Variants in KLHL1 observed in about 807,000 individuals in gnomAD.
KLHL1 encodes kelch-like protein 1.
A neutral mutation model predicts 77.7 loss-of-function variants in KLHL1; 47 were observed. That is an observed-to-expected ratio of 0.60 (90% CI 0.48 to 0.77). The LOEUF is 0.77. Among genes scored for constraint, KLHL1 ranks in the 30% least tolerant of loss-of-function variants. KLHL1 has a pLI of 0.00. For synonymous variants in KLHL1, 360 were observed against 325.2 expected, an observed-to-expected ratio of 1.11 and a Z score of -1.15; for missense variants, 925 against 910.8, an observed-to-expected ratio of 1.02 and a Z score of -0.20.
intron 4 of KLHL1, among the ~76,000 whole-genome samples, chr13:69,923,353 T>A (rs1407671732): frequency 6.6e-6 from 1 of 152,108 alleles, no homozygotes; most frequent in Non-Finnish European, 1.5e-5. Context: ...TATGCTGCAA[T>A]GGGGATTCAA....
chr13:69,935,161 A>G lies in KLHL1; in HGVS notation c.1014+4879T>C, dbSNP rs1399702677. On this transcript the variant is annotated intron_variant, in intron 4 of 10. Coordinates refer to ENST00000377844, the MANE Select transcript of KLHL1 (RefSeq NM_020866.3). ...CAATATCATTTCTATTTTGTTCACCATTGCATTTCCTGTGCCACCTACTGG... is the reference window on the plus strand; with the variant it reads ...CAATATCATTTCTATTTTGTTCACCGTTGCATTTCCTGTGCCACCTACTGG... 2.1e-5 allele frequency among the ~76,000 whole-genome samples: 3 copies of G among 146,018 alleles called. No individual in the cohort carries two copies. The East Asian group carries it at 6.1e-4, about 30-fold the overall frequency.
Position 69,720,977 on chromosome 13 carries a change from T to C in KLHL1, c.1803-1396A>G, listed in dbSNP as rs142931044. On this transcript the variant is annotated intron_variant, in intron 8 of 10. Coordinates refer to ENST00000377844, the MANE Select transcript of KLHL1 (RefSeq NM_020866.3). The stretch of plus-strand genomic sequence containing the variant: ...GAAAATAAATCCTGGGACTCCCAAA[T>C]CACTAAAGCCAAAGGGAAGTCAAGC... 9.2e-4 allele frequency among the ~76,000 whole-genome samples: 113 copies of C among 122,928 alleles called. No homozygotes were observed. The East Asian group carries it at 0.025, about 27-fold the overall frequency. The allele number at this position is 122,928 out of a possible 152,430, so 80.6% of individuals were successfully genotyped here. A position where few individuals can be genotyped will look rare whatever the true frequency, so the allele number is the denominator to read the frequency against.
intron 5 of KLHL1, among the ~76,000 whole-genome samples, chr13:69,876,291 T>C (rs1880760811): frequency 6.6e-6 from 1 of 152,224 alleles, no homozygotes; most frequent in Non-Finnish European, 1.5e-5. Flanking sequence ...GTTTTAGTTG[T>C]AGCTATAATT....
intron 4 of KLHL1, among the ~76,000 whole-genome samples, chr13:69,895,954 C>T (rs538097381): frequency 4.5e-4 from 68 of 152,228 alleles, no homozygotes; most frequent in African/African-American, 1.6e-3. Context: ...GTGATCCACT[C>T]ACCTCTGCCT....
intron 3 of KLHL1, among the ~76,000 whole-genome samples, chr13:69,950,982 G>C (rs1369358721): frequency 6.6e-6 from 1 of 151,438 alleles, no homozygotes; most frequent in Non-Finnish European, 1.5e-5. Context: ...AAAATATTTT[G>C]AATACTCAAA....
intron 1 of KLHL1, among the ~76,000 whole-genome samples, chr13:70,054,648 A>C (rs558843995): frequency 6.6e-6 from 1 of 152,170 alleles, no homozygotes; most frequent in East Asian, 1.9e-4. Context: ...ATTTTGATAA[A>C]GCCAAACAAA....
intron 5 of KLHL1, among the ~76,000 whole-genome samples, chr13:69,879,378 C>A (rs1297913589): frequency 2.0e-5 from 3 of 152,054 alleles, no homozygotes; most frequent in African/African-American, 7.2e-5. Context: ...CTATTTTTCT[C>A]TCATTCATCT....
At chr13:69,991,107 G>A (rs1438525999) in intron 1 of KLHL1, among the ~76,000 whole-genome samples, 1 of 151,916 alleles carries the variant, frequency 6.6e-6, no homozygotes, top group Non-Finnish European at 1.5e-5. Flanking sequence ...TGAAAGTAAT[G>A]AGAACAAAGG....
intron 7 of KLHL1, among the ~76,000 whole-genome samples, chr13:69,768,261 T>A (rs1321884561): frequency 6.6e-6 from 1 of 152,190 alleles, no homozygotes; most frequent in Non-Finnish European, 1.5e-5. Context: ...TAAAAGAATT[T>A]AGAGTATGGA....
chr13:69,775,702 T>TG (rs1177260553), intron 7 of KLHL1, among the ~76,000 whole-genome samples: 4 of 151,586 alleles, frequency 2.6e-5, no homozygotes, highest in Admixed American at 6.6e-5. Context: ...GGTTTTTTTT[T>TG]GTTTTTGATA....
intron 5 of KLHL1, among the ~76,000 whole-genome samples, chr13:69,843,435 A>C (rs1404370109): frequency 6.6e-6 from 1 of 151,728 alleles, no homozygotes; most frequent in Admixed American, 6.6e-5. Context: ...TGGCATATGA[A>C]TGCAGAGAAT....
chr13:69,707,835 C>G (rs910513058), intron 9 of KLHL1, 39 bp from the exon 10 acceptor site: 1 of 1,499,880 alleles, frequency 6.7e-7, no homozygotes, highest in African/African-American at 1.4e-5. Flanking sequence ...ATATTCTAAT[C>G]ACATTCAACT....
chr13:69,878,575 T>C (rs1880854137), intron 5 of KLHL1, among the ~76,000 whole-genome samples: 1 of 152,070 alleles, frequency 6.6e-6, no homozygotes, highest in Non-Finnish European at 1.5e-5. Flanking sequence ...TATAACATTG[T>C]GTTTTGCTAT....
chr13:70,007,258 T>G (rs1478328259), intron 1 of KLHL1, among the ~76,000 whole-genome samples: 2 of 152,020 alleles, frequency 1.3e-5, no homozygotes, highest in Non-Finnish European at 2.9e-5. Context: ...CTTTTAAGAC[T>G]CACAACAAAA....
intron 5 of KLHL1, among the ~76,000 whole-genome samples, chr13:69,865,228 C>T (rs917794111): frequency 1.3e-5 from 2 of 152,108 alleles, no homozygotes; most frequent in South Asian, 4.1e-4. Context: ...TGAGCCAGTG[C>T]ACTCGGCCCT....
intron 5 of KLHL1, among the ~76,000 whole-genome samples, chr13:69,851,865 T>C (rs1879704165): frequency 6.6e-6 from 1 of 151,836 alleles, no homozygotes; most frequent in South Asian, 2.1e-4. Flanking sequence ...TTGAAAACAT[T>C]TACCTACTAG....
At chr13:70,105,666 C>A (rs2137460104) in intron 1 of KLHL1, among the ~76,000 whole-genome samples, 1 of 151,216 alleles carries the variant, frequency 6.6e-6, no homozygotes, top group Non-Finnish European at 1.5e-5. Flanking sequence ...ATTTACTCAA[C>A]AAAAGGGTAT....
chr13:70,003,180 C>A (rs959194066), intron 1 of KLHL1, among the ~76,000 whole-genome samples: 1 of 151,542 alleles, frequency 6.6e-6, no homozygotes, highest in African/African-American at 2.4e-5. Flanking sequence ...ACAAATAAAT[C>A]TTTTCTCCAT....
At position 69,719,561 on chromosome 13, in the gene KLHL1, C is replaced by T. The variant is rs750832204; in HGVS notation, c.1823G>A (p.Arg608His). Reference protein sequence around the residue: ...LNGKLYSVGGRDGSSCLSSME... With the variant: ...LNGKLYSVGGHDGSSCLSSME... ...TGAACTCAAACAGGAACTTCCATCA[C>T]GACCTCCAACTGAATACAACCTAAA... The change falls in exon 9 of 11, where the codon CGT becomes CAT. Residue 608 changes from arginine to histidine, a missense_variant. Transcript: ENST00000377844. 16 of 1,612,056 alleles carry T rather than the reference C, an allele frequency of 9.9e-6. No individual in the cohort carries two copies. The highest frequency in any genetic ancestry group is 8.8e-5 in the South Asian group (8 of 91,054).
Sources: allele counts gnomAD v4.1 joint callset (sites outside exome capture counted in the v4.1 genomes callset), GRCh38; gene constraint gnomAD v4.1.1; transcripts MANE v1.5; gene names NCBI Gene and HGNC (gene_info 2026-07-23, HGNC 2026-07-21).